Variants in MAP4K1 observed in about 807,000 individuals in gnomAD.
MAP4K1 encodes the protein MAPK/ERK kinase kinase kinase 1.
MAP4K1 carries 35 observed loss-of-function variants against 122.8 expected under a neutral mutation model. The observed-to-expected ratio is 0.29, with a 90% confidence interval of 0.22 to 0.38. The LOEUF (loss-of-function observed/expected upper bound fraction) is 0.38, where lower values mean the gene tolerates loss of function less well. Ranked by LOEUF, MAP4K1 falls within the 10% of genes least tolerant of loss-of-function variation. The pLI is 1.00. For missense variants in MAP4K1, 791 were observed against 1,072.6 expected, an observed-to-expected ratio of 0.74 and a Z score of 3.67; for synonymous variants, 412 against 421.3, an observed-to-expected ratio of 0.98 and a Z score of 0.27.
Position 38,597,624 on chromosome 19 carries a change from A to C in MAP4K1, c.1670-30T>G. On this transcript the variant is annotated intron_variant, in intron 22 of 30. Coordinates refer to ENST00000396857, the MANE Select transcript of MAP4K1 (RefSeq NM_001042600.3). The surrounding 1 kb of genome is among the most constrained non-coding windows in gnomAD (Gnocchi z 4.6). ...AGGGTGTGTGTATGTAGGGGGAAGC[A>C]GGAAGTTATAGGATCCCATATACCA... The C allele has an allele frequency of 6.9e-7, 1 of 1,451,770 alleles. No individual in the cohort carries two copies. The highest frequency in any genetic ancestry group is 1.2e-5 in the South Asian group (1 of 81,860). The allele number at this position is 1,451,770 out of a possible 1,614,324, so 89.9% of individuals were successfully genotyped here. A position where few individuals can be genotyped will look rare whatever the true frequency, so the allele number is the denominator to read the frequency against.
Position 38,596,438 on chromosome 19 carries a change from T to C in MAP4K1, c.1990A>G (p.Thr664Ala). 1 of 1,588,970 alleles carries C rather than the reference T, an allele frequency of 6.3e-7. No homozygotes were observed. ...GCGGGCAGCTCAGAGCCTGGCCCGG[T>C]CAGCAGCGCGAACACGGACAGAGGC... ...PTPLSVFALL[T>A]GPGSELPAVC... Residue 664 changes from threonine to alanine, a missense_variant, in exon 26 of 31, where the codon ACC becomes GCC. By Grantham distance (58) the Thr-to-Ala change is moderately conservative (BLOSUM62 0). Around this residue, in one of 4 missense-constraint regions of MAP4K1, gnomAD observed 267 missense variants for 323.0 expected, o/e 0.83. Transcript: ENST00000396857.
chr19:38,587,695 G>A lies in MAP4K1; in HGVS notation c.*53C>T, dbSNP rs1175063415. The stretch of plus-strand genomic sequence containing the variant: ...ATGAGGACATGCCATGACCACTAGT[G>A]TGTCTATGGGGGAGGGGGTGCAAGG... On this transcript the variant is annotated 3_prime_UTR_variant, in exon 31 of 31. Coordinates refer to ENST00000396857, the MANE Select transcript of MAP4K1 (RefSeq NM_001042600.3). 3 of 1,340,558 alleles carry A rather than the reference G, an allele frequency of 2.2e-6. No homozygotes were observed. In the African/African-American group the frequency reaches 4.3e-5, roughly 19 times the overall value. The allele number at this position is 1,340,558 out of a possible 1,614,324, so 83.0% of individuals were successfully genotyped here.
At chr19:38,606,244 G>T (rs770267627) in intron 16 of MAP4K1, 29 bp from the exon 17 acceptor site, 2 of 1,246,234 alleles carry the variant, frequency 1.6e-6, no homozygotes, top group Non-Finnish European at 2.2e-6. Context: ...TTAAATAGCT[G>T]GGGGGCTGGG....
At chr19:38,606,566 G>A (rs1342239476) in intron 16 of MAP4K1, among the ~76,000 whole-genome samples, 2 of 152,132 alleles carry the variant, frequency 1.3e-5, no homozygotes, top group Non-Finnish European at 2.9e-5. Flanking sequence ...TGAGGTGGGA[G>A]GATTGCTTGA....
At chr19:38,615,259 G>A (rs910326015) in intron 4 of MAP4K1, among the ~76,000 whole-genome samples, 3 of 151,842 alleles carry the variant, frequency 2.0e-5, no homozygotes, top group East Asian at 1.9e-4. Context: ...AGTGGGAGGA[G>A]GTGAGATTGG....
Position 38,609,604 on chromosome 19 carries a change from T to G in MAP4K1, c.998A>C (p.Asp333Ala), listed in dbSNP as rs1417682119. ...AAGGATTCTCTACTCACGACAGCAG[T>G]CTGCATCTGGGATCCCCAGAGAGCT... ...RSSSLGIPDA[D>A]CCRRHMEFRK... Residue 333 changes from aspartate to alanine, a missense_variant, in exon 13 of 31, where the codon GAC becomes GCC. This residue lies in a region of MAP4K1 where 303 missense variants were observed against 344.8 expected (regional missense o/e 0.88). Coordinates refer to ENST00000396857, the MANE Select transcript of MAP4K1 (RefSeq NM_001042600.3). 1 of 1,613,638 alleles carries G rather than the reference T, an allele frequency of 6.2e-7. No homozygotes were observed. Among genetic ancestry groups the G allele is most frequent in the Non-Finnish European group, 8.5e-7 (1 of 1,179,874 alleles).
rs1282807355 is a variant in MAP4K1, at chr19:38,590,383, AAAAAAAAAAAAATATATATATATATAT to A, written c.2397-2593_2397-2567del. On this transcript the variant is annotated intron_variant, in intron 30 of 30. Coordinates refer to ENST00000396857, the MANE Select transcript of MAP4K1 (RefSeq NM_001042600.3). The stretch of plus-strand genomic sequence containing the variant: ...TATGATCTTGGACCAGAAAAAAAAA[AAAAAAAAAAAAATATATATATATATAT>A]ATATATATATATATATATATATATA... Among the ~76,000 whole-genome samples, 308 of 69,958 alleles carry A rather than the reference AAAAAAAAAAAAATATATATATATATAT, an allele frequency of 4.4e-3. 22 individuals carry two copies. The highest frequency in any genetic ancestry group is 0.022 in the African/African-American group (284 of 13,042). The allele number at this position is 69,958 out of a possible 152,430, so 45.9% of individuals were successfully genotyped here. A position where few individuals can be genotyped will look rare whatever the true frequency, so the allele number is the denominator to read the frequency against.
chr19:38,596,493 G>T lies in MAP4K1; in HGVS notation c.1942-7C>A. On this transcript the variant is annotated splice_polypyrimidine_tract_variant and splice_region_variant and intron_variant, in intron 25 of 30. Coordinates refer to ENST00000396857, the MANE Select transcript of MAP4K1 (RefSeq NM_001042600.3). Reference sequence around the variant, plus strand: ...GCAGTGGGAACAGCACCTGCTGCGGGCCGCACAGGGAGGGGCGGGCTAGGG... The same window carrying T: ...GCAGTGGGAACAGCACCTGCTGCGGTCCGCACAGGGAGGGGCGGGCTAGGG... The T allele has an allele frequency of 6.5e-7, 1 of 1,542,748 alleles. No individual in the cohort carries two copies. Among genetic ancestry groups the T allele is most frequent in the Non-Finnish European group, 8.7e-7 (1 of 1,145,884 alleles).
chr19:38,607,686 G>C (rs542564243), intron 16 of MAP4K1, among the ~76,000 whole-genome samples, 178 bp downstream of exon 16: 1 of 152,050 alleles, frequency 6.6e-6, no homozygotes, highest in South Asian at 2.1e-4. Flanking sequence ...AGGGAACAGG[G>C]CCTAGGTAGC....
intron 4 of MAP4K1, 122 bp from the exon 5 acceptor site, chr19:38,614,567 C>G (rs553692817): frequency 9.8e-7 from 1 of 1,023,262 alleles, no homozygotes; most frequent in East Asian, 2.4e-5. Flanking sequence ...TAGGATAGGA[C>G]CAGTGGGAGG....
Position 38,596,387 on chromosome 19 carries a change from GC to G in MAP4K1, c.2040del (p.Arg681GlyfsTer23). 6.3e-7 allele frequency: 1 copy of G among 1,597,870 alleles called. No individual in the cohort carries two copies. Among genetic ancestry groups the G allele is most frequent in the Non-Finnish European group, 8.5e-7 (1 of 1,175,290 alleles). The stretch of plus-strand genomic sequence containing the variant: ...TGGAAGAGCACCGACTTCCCCGGCC[GC>G]CCGGGGCTCACGCCGATGCACACAG... ...LPAVCIGVSP[G>X]RPGKSVLFHT... On this transcript the variant is annotated frameshift_variant, in exon 26 of 31. Transcript: ENST00000396857. LOFTEE classifies it high-confidence loss of function.
At chr19:38,601,372 G>A in intron 20 of MAP4K1, 69 bp downstream of exon 20, 1 of 1,413,492 alleles carries the variant, frequency 7.1e-7, no homozygotes, top group South Asian at 1.2e-5. Context: ...CCTTCCTTAG[G>A]CTTCTCCCCA....
chr19:38,607,578 A>G (rs541018718), intron 16 of MAP4K1, among the ~76,000 whole-genome samples: 160 of 150,648 alleles, frequency 1.1e-3, no homozygotes, highest in South Asian at 5.7e-3. Context: ...AAAAAAAAAA[A>G]AAGAAGAAGG....
intron 19 of MAP4K1, among the ~76,000 whole-genome samples, chr19:38,602,811 TATATACAC>T (rs1482321887): frequency 6.9e-5 from 10 of 145,182 alleles, no homozygotes; most frequent in Non-Finnish European, 1.5e-4. Context: ...CATATATACA[TATATACAC>T]ATGTACATAT....
chr19:38,596,967 G>A (rs1446388479), intron 25 of MAP4K1, 67 bp downstream of exon 25: 1 of 1,441,180 alleles, frequency 6.9e-7, no homozygotes, highest in African/African-American at 1.4e-5. Flanking sequence ...CTTGATAGAA[G>A]CGCAAAGGGT....
intron 19 of MAP4K1, among the ~76,000 whole-genome samples, chr19:38,602,779 CATATACATATATACACACATACAT>C (rs1568630738): frequency 2.8e-5 from 4 of 144,144 alleles, no homozygotes; most frequent in African/African-American, 1.0e-4. Flanking sequence ...CATATATACA[CATATACATATATACACACATACAT>C]ATATACATAT....
intron 4 of MAP4K1, 103 bp from the exon 5 acceptor site, chr19:38,614,548 G>T: frequency 7.9e-7 from 1 of 1,265,980 alleles, no homozygotes; most frequent in Non-Finnish European, 1.1e-6. Context: ...GCCATAGGGA[G>T]AGGGGAAATA....
At chr19:38,590,790 G>A (rs888640737) in intron 30 of MAP4K1, among the ~76,000 whole-genome samples, 3 of 151,920 alleles carry the variant, frequency 2.0e-5, no homozygotes, top group Non-Finnish European at 4.4e-5. Flanking sequence ...GTGAAATTGA[G>A]TAGGGGTATG....
Position 38,597,218 on chromosome 19 carries a change from C to T in MAP4K1, c.1838-81G>A. On this transcript the variant is annotated intron_variant, in intron 24 of 30. Transcript: ENST00000396857. The surrounding 1 kb of genome is among the most constrained non-coding windows in gnomAD (Gnocchi z 4.6). Reference sequence around the variant, plus strand: ...CACACTACCACCCATCTTCTGGGTTCTGGACACATTGCCTTAACTCTGTAA... The same window carrying T: ...CACACTACCACCCATCTTCTGGGTTTTGGACACATTGCCTTAACTCTGTAA... 2 of 1,596,262 alleles carry T rather than the reference C, an allele frequency of 1.3e-6. No homozygotes were observed. Among genetic ancestry groups the T allele is most frequent in the Non-Finnish European group, 1.7e-6 (2 of 1,164,338 alleles).
Sources: allele counts gnomAD v4.1 joint callset (sites outside exome capture counted in the v4.1 genomes callset), GRCh38; gene constraint gnomAD v4.1.1; regional missense constraint gnomAD v4.1.1; non-coding constraint Gnocchi (gnomAD v3.1); transcripts MANE v1.5; gene names NCBI Gene and HGNC (gene_info 2026-07-23, HGNC 2026-07-21).